The following ANKRD50 variants were observed in gnomAD, a reference collection of about 807,000 sequenced individuals.
The protein encoded by ANKRD50 is ankyrin repeat domain 50.
Under a neutral mutation model 112.0 loss-of-function variants are expected in ANKRD50, and 40 were observed. The ratio of observed to expected loss-of-function variants is 0.36; its 90% confidence interval spans 0.28 to 0.46. ANKRD50 has a LOEUF of 0.46. ANKRD50 is among the 20% of genes least tolerant of loss of function. The pLI is 1.00. For synonymous variants in ANKRD50, 613 were observed against 619.1 expected, an observed-to-expected ratio of 0.99 and a Z score of 0.15; for missense variants, 1,487 against 1,701.7, an observed-to-expected ratio of 0.87 and a Z score of 2.22.
rs1730625142 is a variant in ANKRD50 at position 124,670,736 on chromosome 4, T to C, written c.2541A>G (p.Gly847=). The C allele has an allele frequency of 2.5e-6, 4 of 1,613,724 alleles. No individual in the cohort carries two copies. Among genetic ancestry groups the C allele is most frequent in the Non-Finnish European group, 3.4e-6 (4 of 1,179,824 alleles). The change falls in exon 4 of 5, where the codon GGA becomes GGG. Residue 847 remains glycine (G), a synonymous_variant. Transcript: ENST00000504087. The part of the protein sequence containing the change: ...GLDENHRDDA[G]WTPLHMAAFE... The stretch of plus-strand genomic sequence containing the variant: ...AAGCTGCCATGTGCAAAGGTGTCCA[T>C]CCAGCATCATCTCTGTGATTTTCAT...
intron 4 of ANKRD50, 85 bp downstream of exon 4, chr4:124,668,899 T>C (rs970991430): frequency 2.4e-6 from 3 of 1,238,518 alleles, no homozygotes; most frequent in African/African-American, 1.5e-5. Context: ...ACTGAGGGAA[T>C]TGGCCTTGTG....
chr4:124,708,437 A>C (rs1454750485), intron 2 of ANKRD50, among the ~76,000 whole-genome samples: 1 of 152,176 alleles, frequency 6.6e-6, no homozygotes, highest in Non-Finnish European at 1.5e-5. Context: ...TAAAGAGTCT[A>C]CAAGAATATC....
rs1248631434 is a variant in ANKRD50 at position 124,670,758 on chromosome 4, T to C, written c.2519A>G (p.Glu840Gly). 6.2e-7 allele frequency: 1 copy of C among 1,613,808 alleles called. No individual in the cohort carries two copies. Among genetic ancestry groups the C allele is most frequent in the Non-Finnish European group, 8.5e-7 (1 of 1,179,862 alleles). Residue 840 changes from glutamate to glycine, a missense_variant, in exon 4 of 5, where the codon GAA (glutamate) becomes GGA (glycine). Glu to Gly is a moderately conservative substitution (Grantham distance 98). Transcript: ENST00000504087. ...CCATCCAGCATCATCTCTGTGATTT[T>C]CATCTAACCCTCTATCCAGTAGAGT... is the stretch of plus-strand genomic sequence containing the variant. ...VRTLLDRGLD[E>G]NHRDDAGWTP...
In ANKRD50 at chr4:124,678,762, G is replaced by C. The variant is rs1481082816; in HGVS notation, c.656C>G (p.Ala219Gly). 1.2e-6 allele frequency: 2 copies of C among 1,613,886 alleles called. No homozygotes were observed. The highest frequency in any genetic ancestry group is 1.7e-6 in the Non-Finnish European group (2 of 1,179,810). Residue 219 changes from alanine to glycine, a missense_variant, in exon 3 of 5, where the codon GCT becomes GGT. Transcript: ENST00000504087. ...SLSGTVAALL[A>G]GHHEFFPPWL... is the part of the protein sequence containing the mutation. ...TGGTGGAAAGAACTCATGGTGACCAGCTAAAAGTGCTGCAACAGTCCCAGA... is the reference window on the plus strand; with the variant it reads ...TGGTGGAAAGAACTCATGGTGACCACCTAAAAGTGCTGCAACAGTCCCAGA...
intron 2 of ANKRD50, among the ~76,000 whole-genome samples, chr4:124,704,401 A>G (rs1290263676): frequency 6.6e-6 from 1 of 152,200 alleles, no homozygotes. Context: ...TTGAGTGCCA[A>G]AAATCCTTGG....
At chr4:124,690,337 C>T (rs138653296) in intron 2 of ANKRD50, among the ~76,000 whole-genome samples, 1 of 152,194 alleles carries the variant, frequency 6.6e-6, no homozygotes, top group Non-Finnish European at 1.5e-5. Context: ...ACAATTACCT[C>T]ATTTCCTATA....
chr4:124,697,482 G>A (rs554908948), intron 2 of ANKRD50, among the ~76,000 whole-genome samples: 1 of 152,160 alleles, frequency 6.6e-6, no homozygotes, highest in East Asian at 1.9e-4. Context: ...AGATCTCCAG[G>A]GAATTGATTA....
intron 2 of ANKRD50, among the ~76,000 whole-genome samples, chr4:124,679,679 C>T (rs566288044): frequency 6.6e-6 from 1 of 152,148 alleles, no homozygotes; most frequent in Non-Finnish European, 1.5e-5. Context: ...TTATGCACAC[C>T]AGAAACTTAC....
intron 3 of ANKRD50, among the ~76,000 whole-genome samples, chr4:124,676,311 T>C (rs1053375608): frequency 6.6e-6 from 1 of 151,708 alleles, no homozygotes; most frequent in African/African-American, 2.4e-5. Context: ...TAAAATATGC[T>C]ATTACAACCT....
In ANKRD50 at chr4:124,671,185, C is replaced by G. The variant is rs542045702; in HGVS notation, c.2092G>C (p.Asp698His). ...TCATGATTTACTTCTGCTCCATGGT[C>G]CAGTAGGTGTTCCACAATCTCTCTA... The part of the protein sequence containing the change: ...GHREIVEHLL[D>H]HGAEVNHEDV... The change falls in exon 4 of 5, where the codon GAC becomes CAC. Residue 698 changes from aspartate (D) to histidine (H), a missense_variant. By Grantham distance (81) the Asp-to-His change is moderately conservative. This residue lies in a region of ANKRD50 where 1,046 missense variants were observed against 1,269.5 expected (regional missense o/e 0.82). Transcript: ENST00000504087. The G allele has an allele frequency of 6.2e-7, 1 of 1,613,900 alleles. No individual in the cohort carries two copies. Among genetic ancestry groups the G allele is most frequent in the Non-Finnish European group, 8.5e-7 (1 of 1,179,868 alleles).
chr4:124,702,063 T>A (rs1725405404), intron 2 of ANKRD50, among the ~76,000 whole-genome samples: 1 of 152,192 alleles, frequency 6.6e-6, no homozygotes, highest in African/African-American at 2.4e-5. Flanking sequence ...CCTAGAAGCT[T>A]TAATATGTCT....
chr4:124,709,933 A>G lies in ANKRD50; in HGVS notation c.512+67T>C, dbSNP rs1238526776. 2.6e-6 allele frequency: 4 copies of G among 1,532,840 alleles called. No homozygotes were observed. In the East Asian group the frequency reaches 9.0e-5, roughly 35 times the overall value. 95.0% of individuals were successfully genotyped at this position (1,532,840 alleles called of 1,614,324 possible). ...AGTAACCCACAAAGTTAAAACAAAA[A>G]ACTACAACTAAAAATTAATTTAATT... is the stretch of plus-strand genomic sequence containing the variant. On this transcript the variant is annotated intron_variant, in intron 2 of 4. Transcript: ENST00000504087.
In ANKRD50 at chr4:124,670,447, C is replaced by A. The variant is rs1170658160; in HGVS notation, c.2830G>T (p.Ala944Ser). The A allele has an allele frequency of 6.2e-7, 1 of 1,613,834 alleles. No homozygotes were observed. The highest frequency in any genetic ancestry group is 8.5e-7 in the Non-Finnish European group (1 of 1,179,892). The change falls in exon 4 of 5, where the codon GCT (alanine) becomes TCT (serine). Residue 944 changes from alanine (A) to serine (S), a missense_variant. Ala to Ser is a moderately conservative substitution (Grantham distance 99). Around this residue, in one of 2 missense-constraint regions of ANKRD50, gnomAD observed 1,046 missense variants for 1,269.5 expected, o/e 0.82. Transcript: ENST00000504087. ...SHGADVNCKD[A>S]DGRPTLYILA... is the part of the protein sequence containing the mutation. ...ATATAAAGTGTAGGCCGACCATCAG[C>A]ATCTTTGCAGTTAACATCAGCACCA...
At position 124,670,763 on chromosome 4, in the gene ANKRD50, T is replaced by C; in HGVS notation, c.2514A>G (p.Leu838=). ...CAGCATCATCTCTGTGATTTTCATCTAACCCTCTATCCAGTAGAGTACGTA... is the reference window on the plus strand; with the variant it reads ...CAGCATCATCTCTGTGATTTTCATCCAACCCTCTATCCAGTAGAGTACGTA... The part of the protein sequence containing the change: ...EVVRTLLDRG[L]DENHRDDAGW... The change falls in exon 4 of 5, where the codon TTA becomes TTG. Residue 838 remains leucine, a synonymous_variant. Coordinates refer to ENST00000504087, the MANE Select transcript of ANKRD50 (RefSeq NM_020337.3). 1 of 1,613,888 alleles carries C rather than the reference T, an allele frequency of 6.2e-7. No individual in the cohort carries two copies. Among genetic ancestry groups the C allele is most frequent in the Non-Finnish European group, 8.5e-7 (1 of 1,179,876 alleles).
intron 2 of ANKRD50, among the ~76,000 whole-genome samples, chr4:124,695,099 T>C (rs1560828749): frequency 6.6e-6 from 1 of 152,182 alleles, no homozygotes; most frequent in African/African-American, 2.4e-5. Flanking sequence ...ATCTTGTTTA[T>C]AGAAACTTCT....
chr4:124,673,128 T>G (rs2110509779), intron 3 of ANKRD50, among the ~76,000 whole-genome samples: 1 of 152,194 alleles, frequency 6.6e-6, no homozygotes, highest in Admixed American at 6.5e-5. Flanking sequence ...AAGATCCAAC[T>G]TTTTGGCTAA....
chr4:124,681,624 A>T (rs2110514157), intron 2 of ANKRD50, among the ~76,000 whole-genome samples: 1 of 152,278 alleles, frequency 6.6e-6, no homozygotes, highest in East Asian at 1.9e-4. Context: ...GGATAGCAAA[A>T]AGTAGACAGA....
At chr4:124,699,778 CA>C (rs773071408) in intron 2 of ANKRD50, among the ~76,000 whole-genome samples, 2,746 of 122,608 alleles carry the variant, frequency 0.022, 83 homozygotes, top group African/African-American at 0.074. Flanking sequence ...AATTGTTCTA[CA>C]AAAAAAAAAA....
intron 2 of ANKRD50, among the ~76,000 whole-genome samples, chr4:124,683,460 T>G (rs1560824114): frequency 6.6e-6 from 1 of 152,052 alleles, no homozygotes; most frequent in Non-Finnish European, 1.5e-5. Flanking sequence ...TTACAATTCT[T>G]CTTTTCTAGC....
Sources: allele counts gnomAD v4.1 joint callset (sites outside exome capture counted in the v4.1 genomes callset), GRCh38; gene constraint gnomAD v4.1.1; regional missense constraint gnomAD v4.1.1; transcripts MANE v1.5; gene names NCBI Gene and HGNC (gene_info 2026-07-23, HGNC 2026-07-21).